CCNY: variants seen among roughly 807,000 people sequenced by gnomAD.
CCNY encodes cyclin-Y.
Under a neutral mutation model 42.8 loss-of-function variants are expected in CCNY, and 19 were observed. The ratio of observed to expected loss-of-function variants is 0.44; its 90% CI spans 0.31 to 0.65. The LOEUF is 0.65. Ranked by LOEUF, CCNY falls within the 30% of genes least tolerant of loss-of-function variation. The pLI is 0.07. For synonymous variants in CCNY, 165 were observed against 162.7 expected (o/e 1.01, Z -0.11); for missense variants, 370 against 437.3 (o/e 0.85, Z 1.37).
chr10:35,517,445 A>G (rs1840452971), intron 4 of CCNY, among the ~76,000 whole-genome samples: 1 of 152,194 alleles, frequency 6.6e-6, no homozygotes, highest in South Asian at 2.1e-4. Flanking sequence ...ACATTTCACA[A>G]TACATGTCAG....
At chr10:35,290,118 C>T (rs370670168) in intron 3 of CCNY, among the ~76,000 whole-genome samples, 25 of 150,636 alleles carry the variant, frequency 1.7e-4, no homozygotes, top group Admixed American at 5.3e-4. Context: ...CCCAGCTACT[C>T]GGCGGGCTGA....
intron 3 of CCNY, among the ~76,000 whole-genome samples, chr10:35,507,845 C>T (rs1389004673): frequency 5.3e-5 from 8 of 151,170 alleles, no homozygotes; most frequent in Non-Finnish European, 1.2e-4. Flanking sequence ...TGGATTTGCC[C>T]GAAGGATTCA....
At chr10:35,291,373 G>A (rs1007574511) in intron 3 of CCNY, among the ~76,000 whole-genome samples, 1 of 152,032 alleles carries the variant, frequency 6.6e-6, no homozygotes, top group African/African-American at 2.4e-5. Context: ...CCATGTTATA[G>A]CATTATTAGT....
intron 1 of CCNY, among the ~76,000 whole-genome samples, chr10:35,355,592 C>T (rs538322725): frequency 4.2e-5 from 6 of 141,588 alleles, no homozygotes; most frequent in South Asian, 2.3e-4. Context: ...GCAGAAGAAT[C>T]GCTTGAACCC....
At chr10:35,292,329 CT>C (rs1469294355) in intron 3 of CCNY, among the ~76,000 whole-genome samples, 7 of 151,942 alleles carry the variant, frequency 4.6e-5, no homozygotes, top group African/African-American at 1.7e-4. Context: ...TTGATGGTAT[CT>C]TTTGAAGAAC....
intron 5 of CCNY, among the ~76,000 whole-genome samples, chr10:35,529,203 G>T (rs1040637700): frequency 6.6e-5 from 10 of 152,146 alleles, no homozygotes; most frequent in African/African-American, 2.2e-4. Context: ...TTGTTTTTCA[G>T]TATAAAATTG....
intron 1 of CCNY, among the ~76,000 whole-genome samples, chr10:35,385,377 A>G (rs1400020774): frequency 6.6e-6 from 1 of 152,044 alleles, no homozygotes; most frequent in African/African-American, 2.4e-5. Flanking sequence ...TGTATTTCCA[A>G]CTCCTGTGGT....
chr10:35,367,989 G>C (rs1445420655), intron 1 of CCNY, among the ~76,000 whole-genome samples: 2 of 152,204 alleles, frequency 1.3e-5, no homozygotes, highest in Non-Finnish European at 1.5e-5. Flanking sequence ...TTGGAAGTCT[G>C]TTAGAAACGA....
intron 5 of CCNY, among the ~76,000 whole-genome samples, chr10:35,527,100 A>T (rs2135419981): frequency 6.6e-6 from 1 of 152,306 alleles, no homozygotes; most frequent in African/African-American, 2.4e-5. Context: ...CTAGAAAGGG[A>T]TTCTCTATGA....
At chr10:35,313,164 G>A (rs1835709825) in intron 3 of CCNY, among the ~76,000 whole-genome samples, 2 of 152,076 alleles carry the variant, frequency 1.3e-5, no homozygotes, top group South Asian at 2.1e-4. Context: ...GCTGGCTCAC[G>A]TGGACTCGTG....
chr10:35,336,892 C>T lies in CCNY; in HGVS notation c.-162C>T, dbSNP rs1836047490. 9 of 216,804 alleles carry T rather than the reference C, an allele frequency of 4.2e-5. No individual in the cohort carries two copies. Among genetic ancestry groups the T allele is most frequent in the South Asian group, 1.6e-4 (1 of 6,344 alleles). The allele number at this position is 216,804 out of a possible 1,614,324, so 13.4% of individuals were successfully genotyped here. On this transcript the variant is annotated 5_prime_UTR_variant, in exon 1 of 10. Transcript: ENST00000374704. ...CATGGCGAGGCCCCGCCGCCGCCGC[C>T]GCTGCTGACCCGGCGGCCGGCCGCC...
intron 1 of CCNY, among the ~76,000 whole-genome samples, chr10:35,478,924 C>G (rs1411967891): frequency 6.6e-6 from 1 of 152,170 alleles, no homozygotes; most frequent in African/African-American, 2.4e-5. Context: ...AGAAAAACAA[C>G]CGCATCAAAA....
At chr10:35,362,478 A>G (rs1589061497) in intron 1 of CCNY, among the ~76,000 whole-genome samples, 1 of 152,308 alleles carries the variant, frequency 6.6e-6, no homozygotes, top group East Asian at 1.9e-4. Flanking sequence ...AACTGAATTT[A>G]CTTAAAGACA....
chr10:35,354,449 T>G lies in CCNY; in HGVS notation c.154+17242T>G, dbSNP rs61453080. Among the ~76,000 whole-genome samples, 81 of 152,270 alleles carry G rather than the reference T, an allele frequency of 5.3e-4. No homozygotes were observed. In the East Asian group the frequency reaches 0.012, roughly 22 times the overall value. On this transcript the variant is annotated intron_variant, in intron 1 of 9. Transcript: ENST00000374704. ...ATCTGTCCGTCTTGGCGTCCCAAAG[T>G]GCTGGGATTACAGGCATGAGTCACC...
intron 8 of CCNY, among the ~76,000 whole-genome samples, chr10:35,559,116 A>G (rs1841415476): frequency 6.6e-6 from 1 of 152,196 alleles, no homozygotes; most frequent in Non-Finnish European, 1.5e-5. Flanking sequence ...TGCCTCTACC[A>G]TTTTAGATGC....
At chr10:35,266,973 T>G (rs1197834130) in intron 3 of CCNY, among the ~76,000 whole-genome samples, 2 of 151,632 alleles carry the variant, frequency 1.3e-5, no homozygotes, top group East Asian at 3.9e-4. Flanking sequence ...TCCCAGCTAC[T>G]CAGGAGGCTG....
At chr10:35,405,974 C>T (rs1775397956) in intron 1 of CCNY, among the ~76,000 whole-genome samples, 1 of 152,138 alleles carries the variant, frequency 6.6e-6, no homozygotes, top group Non-Finnish European at 1.5e-5. Context: ...TCTAGAGGAA[C>T]CCCTGGCAAC....
chr10:35,257,624 G>T (rs767261950), intron 3 of CCNY, among the ~76,000 whole-genome samples: 1 of 152,142 alleles, frequency 6.6e-6, no homozygotes, highest in Non-Finnish European at 1.5e-5. Context: ...CTTATTGAGA[G>T]ACCCTTGTAT....
intron 1 of CCNY, among the ~76,000 whole-genome samples, chr10:35,360,390 G>A (rs893798473): frequency 6.7e-6 from 1 of 148,824 alleles, no homozygotes; most frequent in Non-Finnish European, 1.5e-5. Context: ...GGGCTTAAGC[G>A]ATCCTCCTGT....
Sources: gnomAD v4.1 joint callset for allele counts (sites outside exome capture counted in the v4.1 genomes callset) on GRCh38, gnomAD v4.1.1 for gene constraint, MANE v1.5 for transcripts, NCBI Gene and HGNC (gene_info 2026-07-23, HGNC 2026-07-21) for gene names.